Variants in ESR1 observed in about 807,000 individuals in gnomAD.
ESR1 encodes estrogen receptor.
A neutral mutation model predicts 52.7 loss-of-function variants in ESR1; 12 were observed. The observed-to-expected ratio is 0.23, with a 90% CI of 0.15 to 0.37. The LOEUF (loss-of-function observed/expected upper bound fraction) is 0.37. ESR1 is among the 10% of genes least tolerant of loss of function. The pLI, the probability that ESR1 is intolerant of heterozygous loss-of-function variation, is 1.00. For synonymous variants in ESR1, 305 were observed against 316.8 expected, an observed-to-expected ratio of 0.96 and a Z score of 0.39; for missense variants, 584 against 779.7, an observed-to-expected ratio of 0.75 and a Z score of 2.99.
intron 6 of ESR1, among the ~76,000 whole-genome samples, chr6:152,083,290 G>C (rs1332178124): frequency 3.3e-5 from 5 of 152,196 alleles, no homozygotes; most frequent in African/African-American, 1.2e-4. Flanking sequence ...GAACAGAACA[G>C]AGGCCTCAGA....
chr6:151,944,179 G>A lies in ESR1; in HGVS notation c.767G>A (p.Arg256Gln), dbSNP rs781741770. The change falls in exon 4 of 8, where the codon CGA (arginine) becomes CAA (glutamine). Residue 256 changes from arginine to glutamine, a missense_variant. Arg to Gln is a conservative substitution (Grantham distance 43). Coordinates refer to ENST00000206249, the MANE Select transcript of ESR1 (RefSeq NM_000125.4). ...TTTCCACCTGTGTTTTCAGGGATACGAAAAGACCGAAGAGGAGGGAGAATG... is the reference window on the plus strand; with the variant it reads ...TTTCCACCTGTGTTTTCAGGGATACAAAAAGACCGAAGAGGAGGGAGAATG... ...YEVGMMKGGI[R>Q]KDRRGGRMLK... 19 of 1,613,480 alleles carry A rather than the reference G, an allele frequency of 1.2e-5. No individual in the cohort carries two copies. The African/African-American group carries it at 1.2e-4, about 10-fold the overall frequency.
intron 5 of ESR1, among the ~76,000 whole-genome samples, chr6:152,028,968 A>G (rs1376612919): frequency 6.6e-6 from 1 of 152,218 alleles, no homozygotes; most frequent in East Asian, 1.9e-4. Context: ...TCAGGCAGCA[A>G]CATTTGCTGT....
At chr6:151,688,018 T>A (rs1778757087), upstream of ESR1, among the ~76,000 whole-genome samples, 1 of 152,248 alleles carries the variant, frequency 6.6e-6, no homozygotes, top group Non-Finnish European at 1.5e-5. Flanking sequence ...TCTTCTTTTT[T>A]AATTGTTCAA....
intron 5 of ESR1, among the ~76,000 whole-genome samples, chr6:152,018,166 A>G (rs986276077): frequency 6.6e-6 from 1 of 152,152 alleles, no homozygotes; most frequent in Non-Finnish European, 1.5e-5. Context: ...GCTGCACCAG[A>G]AAGAACATTT....
At chr6:152,070,438 T>A (rs1315015583) in intron 6 of ESR1, among the ~76,000 whole-genome samples, 1 of 138,182 alleles carries the variant, frequency 7.2e-6, no homozygotes, top group Non-Finnish European at 1.5e-5. Flanking sequence ...GAATAATTGT[T>A]TTTTAATGAA....
intron 2 of ESR1, among the ~76,000 whole-genome samples, chr6:151,716,208 G>C (rs1476535416): frequency 2.6e-5 from 4 of 152,072 alleles, no homozygotes; most frequent in African/African-American, 9.7e-5. Flanking sequence ...TGGAAGCTTT[G>C]TCCCAGAGGG....
At chr6:151,898,788 C>G (rs1260943440) in intron 3 of ESR1, among the ~76,000 whole-genome samples, 4 of 152,146 alleles carry the variant, frequency 2.6e-5, no homozygotes. Flanking sequence ...AAAAGTCTCC[C>G]ACGTCTACCT....
At chr6:152,042,812 C>T (rs956680323) in intron 5 of ESR1, among the ~76,000 whole-genome samples, 1 of 152,208 alleles carries the variant, frequency 6.6e-6, no homozygotes, top group Admixed American at 6.5e-5. Context: ...GAGCTCTACA[C>T]AAGTCAGACT....
At chr6:151,850,101 T>TGCCTATAAAATA (rs1447153907) in intron 2 of ESR1, among the ~76,000 whole-genome samples, 2 of 120,504 alleles carry the variant, frequency 1.7e-5, no homozygotes, top group East Asian at 2.3e-4. Context: ...TAATTTTATA[T>TGCCTATAAAATA]ATATATACAA....
At chr6:152,111,809 T>C (rs1041531987) in intron 6 of ESR1, among the ~76,000 whole-genome samples, 1 of 152,144 alleles carries the variant, frequency 6.6e-6, no homozygotes, top group African/African-American at 2.4e-5. Context: ...AGACCAGTTT[T>C]GGGGCTCAAC....
chr6:151,749,941 C>T lies in ESR1; in HGVS notation c.-71+47936C>T, dbSNP rs369275533. Among the ~76,000 whole-genome samples, 30 of 152,238 alleles carry T rather than the reference C, an allele frequency of 2.0e-4. No individual in the cohort carries two copies. In the South Asian group the frequency reaches 6.0e-3, roughly 31 times the overall value. On this transcript the variant is annotated intron_variant, in intron 2 of 2. Transcript: ENST00000404742. ...TGACATAATCAATATGATTTCAACA[C>T]TCAGCTAATAAATGCTATGAAATAC...
At chr6:151,820,337 A>G (rs965424647) in intron 1 of ESR1, among the ~76,000 whole-genome samples, 4 of 152,248 alleles carry the variant, frequency 2.6e-5, no homozygotes, top group African/African-American at 4.8e-5. Flanking sequence ...ACTGTTAAGA[A>G]TCAGAGAAAT....
chr6:151,832,577 A>G (rs1782620258), intron 1 of ESR1, among the ~76,000 whole-genome samples: 1 of 152,218 alleles, frequency 6.6e-6, no homozygotes, highest in African/African-American at 2.4e-5. Context: ...CACACATACA[A>G]GCATTGATAA....
chr6:152,119,387 C>CA (rs11345553), intron 6 of ESR1, among the ~76,000 whole-genome samples: 15 of 151,906 alleles, frequency 9.9e-5, no homozygotes, highest in East Asian at 9.7e-4. Flanking sequence ...CATCATTTCC[C>CA]AAAAAATCCT....
intron 1 of ESR1, among the ~76,000 whole-genome samples, chr6:151,660,796 T>C (rs866384232): frequency 3.3e-5 from 5 of 152,174 alleles, no homozygotes; most frequent in African/African-American, 9.7e-5. Flanking sequence ...CATACACTGG[T>C]AAGCCCCAAT....
intron 1 of ESR1, among the ~76,000 whole-genome samples, chr6:151,839,553 C>A (rs1783938985): frequency 6.6e-6 from 1 of 152,096 alleles, no homozygotes. Context: ...ATAGTTATAG[C>A]AACATTATTC....
intron 1 of ESR1, among the ~76,000 whole-genome samples, chr6:151,836,939 T>C (rs1783429520): frequency 6.6e-6 from 1 of 152,222 alleles, no homozygotes; most frequent in Non-Finnish European, 1.5e-5. Context: ...AATAATGCTT[T>C]TGGATAGCTG....
intron 2 of ESR1, among the ~76,000 whole-genome samples, chr6:151,783,631 T>C (rs1172410322): frequency 6.6e-6 from 1 of 152,232 alleles, no homozygotes; most frequent in Non-Finnish European, 1.5e-5. Flanking sequence ...GGGAAGACAG[T>C]AGAGATTTCC....
chr6:151,990,941 C>CA (rs1406863254), intron 4 of ESR1, among the ~76,000 whole-genome samples: 2 of 152,116 alleles, frequency 1.3e-5, no homozygotes, highest in Non-Finnish European at 2.9e-5. Flanking sequence ...TTGTTTCCTA[C>CA]ACTAAAAAGA....
Sources: gnomAD v4.1 joint callset for allele counts (sites outside exome capture counted in the v4.1 genomes callset) on GRCh38, gnomAD v4.1.1 for gene constraint, MANE v1.5 for transcripts, NCBI Gene and HGNC (gene_info 2026-07-23, HGNC 2026-07-21) for gene names.